ARHGAP24: variants seen among roughly 807,000 people sequenced by gnomAD.
The protein encoded by ARHGAP24 is rho GTPase-activating protein 24.
Under a neutral mutation model 76.4 loss-of-function variants are expected in ARHGAP24, and 50 were observed. The ratio of observed to expected loss-of-function variants is 0.65; its 90% CI spans 0.52 to 0.83. The LOEUF (loss-of-function observed/expected upper bound fraction) is 0.83, where lower values mean the gene tolerates loss of function less well. Ranked by LOEUF, ARHGAP24 falls within the 40% of genes least tolerant of loss-of-function variation. The probability of loss-of-function intolerance (pLI) is 0.00; values close to 1 mark genes in which losing one functional copy is unlikely to be tolerated. For synonymous variants in ARHGAP24, 345 were observed against 323.3 expected (o/e 1.07, Z -0.72); for missense variants, 930 against 914.2 (o/e 1.02, Z -0.22).
In ARHGAP24 at chr4:85,785,983, A is replaced by G. The variant is rs192307734; in HGVS notation, c.268+64011A>G. 3.7e-3 allele frequency among the ~76,000 whole-genome samples: 529 copies of G among 143,102 alleles called. 13 individuals carry two copies. Among genetic ancestry groups the G allele is most frequent in the Admixed American group, 0.033 (472 of 14,426 alleles). 93.9% of individuals were successfully genotyped at this position (143,102 alleles called of 152,430 possible). A position where few individuals can be genotyped will look rare whatever the true frequency, so the allele number is the denominator to read the frequency against. On this transcript the variant is annotated intron_variant, in intron 3 of 9. Transcript: ENST00000395184. ...AATGCTTCTCTCAGAGACCACTACT[A>G]CCTTTTTTTTTTATTTCTGTAAAAG...
intron 4 of ARHGAP24, among the ~76,000 whole-genome samples, chr4:85,925,017 A>G (rs916202624): frequency 6.6e-6 from 1 of 152,192 alleles, no homozygotes; most frequent in African/African-American, 2.4e-5. Context: ...CAGAATGGCT[A>G]GCAAGTGACT....
intron 2 of ARHGAP24, among the ~76,000 whole-genome samples, chr4:85,607,113 T>G (rs1720220892): frequency 1.3e-5 from 2 of 152,158 alleles, no homozygotes; most frequent in African/African-American, 4.8e-5. Flanking sequence ...CTAAGGACAT[T>G]CTCCCTTTGG....
intron 3 of ARHGAP24, among the ~76,000 whole-genome samples, chr4:85,777,182 T>C (rs567900882): frequency 4.5e-4 from 69 of 152,222 alleles, no homozygotes; most frequent in Non-Finnish European, 9.0e-4. Flanking sequence ...TTCTCAACAT[T>C]TTGGAAAATG....
chr4:85,498,794 C>T (rs947502101), intron 1 of ARHGAP24, among the ~76,000 whole-genome samples: 2 of 152,148 alleles, frequency 1.3e-5, no homozygotes, highest in African/African-American at 4.8e-5. Flanking sequence ...TTGTATGATA[C>T]TTGTATTAGT....
intron 2 of ARHGAP24, among the ~76,000 whole-genome samples, chr4:85,648,018 T>A (rs1274694956): frequency 6.6e-6 from 1 of 152,190 alleles, no homozygotes. Context: ...TGAAAAATTT[T>A]TATTGAAGAA....
chr4:85,615,226 T>A (rs1196128212), intron 2 of ARHGAP24, among the ~76,000 whole-genome samples: 2 of 152,126 alleles, frequency 1.3e-5, no homozygotes, highest in Admixed American at 1.3e-4. Flanking sequence ...TATACTAACC[T>A]TCTTCTATCT....
chr4:85,930,037 A>C (rs1736238206), intron 4 of ARHGAP24, among the ~76,000 whole-genome samples: 1 of 152,158 alleles, frequency 6.6e-6, no homozygotes. Context: ...TCCTCCCCTC[A>C]TCCTGTTGTG....
intron 3 of ARHGAP24, among the ~76,000 whole-genome samples, chr4:85,808,054 C>T (rs1028712684): frequency 1.3e-5 from 2 of 152,176 alleles, no homozygotes; most frequent in East Asian, 3.9e-4. Context: ...TATTTGCTTG[C>T]TCTGACAGTT....
chr4:85,733,386 C>CA (rs1277156015), intron 3 of ARHGAP24, among the ~76,000 whole-genome samples: 2 of 152,094 alleles, frequency 1.3e-5, no homozygotes, highest in African/African-American at 4.8e-5. Context: ...CTTGGTAGGA[C>CA]AGTCCCTAAA....
chr4:85,625,543 A>G (rs1015642581), intron 2 of ARHGAP24, among the ~76,000 whole-genome samples: 12 of 152,168 alleles, frequency 7.9e-5, no homozygotes, highest in African/African-American at 2.9e-4. Context: ...AAGAATGTAT[A>G]TTCTGTTGAT....
intron 3 of ARHGAP24, among the ~76,000 whole-genome samples, chr4:85,813,883 G>A (rs1164588995): frequency 1.0e-4 from 15 of 148,284 alleles, no homozygotes; most frequent in Admixed American, 1.4e-4. Flanking sequence ...TCATGCTGCT[G>A]ATAAAGACAT....
intron 2 of ARHGAP24, among the ~76,000 whole-genome samples, chr4:85,584,559 T>G (rs564771126): frequency 6.6e-6 from 1 of 151,914 alleles, no homozygotes; most frequent in East Asian, 1.9e-4. Context: ...ACCTGCACAT[T>G]GTGCACATGT....
chr4:85,656,638 T>C (rs1722184024), intron 2 of ARHGAP24, among the ~76,000 whole-genome samples: 1 of 152,076 alleles, frequency 6.6e-6, no homozygotes, highest in Non-Finnish European at 1.5e-5. Flanking sequence ...CAGCTAATTT[T>C]TGTATTTTTA....
intron 2 of ARHGAP24, among the ~76,000 whole-genome samples, chr4:85,672,262 G>A (rs1365057179): frequency 6.6e-6 from 1 of 152,168 alleles, no homozygotes; most frequent in Non-Finnish European, 1.5e-5. Flanking sequence ...CCATGTTGTG[G>A]CCAGATGAGG....
At chr4:85,515,487 C>CAT (rs139510233) in intron 1 of ARHGAP24, among the ~76,000 whole-genome samples, 8,605 of 144,952 alleles carry the variant, frequency 0.059, 339 homozygotes, top group African/African-American at 0.11. Context: ...TAAACTAGGA[C>CAT]ATATATATAT....
intron 2 of ARHGAP24, among the ~76,000 whole-genome samples, chr4:85,655,790 TATAG>T (rs1379618355): frequency 8.0e-5 from 4 of 50,138 alleles, no homozygotes; most frequent in Admixed American, 2.5e-4. Context: ...TATATATATA[TATAG>T]AGAGAGAGAG....
At chr4:85,895,000 G>A (rs200527469) in intron 3 of ARHGAP24, among the ~76,000 whole-genome samples, 729 of 47,648 alleles carry the variant, frequency 0.015, no homozygotes, top group East Asian at 0.022. Flanking sequence ...AAAACAAAAA[G>A]CAAAAAAAAA....
chr4:85,866,223 T>G (rs1370773966), intron 3 of ARHGAP24, among the ~76,000 whole-genome samples: 1 of 152,162 alleles, frequency 6.6e-6, no homozygotes, highest in Non-Finnish European at 1.5e-5. Context: ...ATCACTTGTC[T>G]AAACATATTC....
chr4:85,604,476 A>G (rs1244470201), intron 2 of ARHGAP24, among the ~76,000 whole-genome samples: 2 of 152,260 alleles, frequency 1.3e-5, no homozygotes, highest in African/African-American at 4.8e-5. Flanking sequence ...TTCTATTTGT[A>G]TATTGAAACA....
Sources: allele counts gnomAD v4.1 joint callset (sites outside exome capture counted in the v4.1 genomes callset), GRCh38; gene constraint gnomAD v4.1.1; transcripts MANE v1.5; gene names NCBI Gene and HGNC (gene_info 2026-07-23, HGNC 2026-07-21).